XIRP2: variants seen among roughly 807,000 people sequenced by gnomAD.
The protein encoded by XIRP2 is xin actin binding repeat containing 2.
Under a neutral mutation model 277.0 loss-of-function variants are expected in XIRP2, and 236 were observed. The observed-to-expected ratio is 0.85, with a 90% CI of 0.77 to 0.95. The LOEUF is 0.95. Ranked by LOEUF, XIRP2 falls within the 40% of genes least tolerant of loss-of-function variation. The pLI, the probability that XIRP2 is intolerant of heterozygous loss-of-function variation, is 0.00. For synonymous variants in XIRP2, 1,490 were observed against 1,416.5 expected (o/e 1.05, Z -1.17); for missense variants, 4,640 against 4,157.5 (o/e 1.12, Z -3.19).
At chr2:167,089,804 C>A (rs1690088620) in intron 2 of XIRP2, among the ~76,000 whole-genome samples, 1 of 152,062 alleles carries the variant, frequency 6.6e-6, no homozygotes, top group Admixed American at 6.6e-5. Flanking sequence ...CGAAACGCAG[C>A]TATGCCCATT....
At chr2:166,922,346 A>T (rs896182207) in intron 2 of XIRP2, among the ~76,000 whole-genome samples, 4 of 152,152 alleles carry the variant, frequency 2.6e-5, no homozygotes, top group African/African-American at 9.7e-5. Context: ...GTTACATAAT[A>T]ATCAATGATA....
Position 167,003,161 on chromosome 2 carries a change from G to A in XIRP2, c.408+99271G>A, listed in dbSNP as rs182471537. Among the ~76,000 whole-genome samples the A allele has an allele frequency of 2.6e-3, 402 of 151,774 alleles. 1 individual carries two copies. In the Middle Eastern group the frequency reaches 0.045, roughly 17 times the overall value. The stretch of plus-strand genomic sequence containing the variant: ...TATGTAATACTCATTAATTGCAGGT[G>A]AAACTTATATACAAAAAATCCCTAT... On this transcript the variant is annotated intron_variant, in intron 2 of 10. Coordinates refer to ENST00000409195, the MANE Select transcript of XIRP2 (RefSeq NM_152381.6).
chr2:166,896,801 G>A (rs1553468147), intron 1 of XIRP2, among the ~76,000 whole-genome samples: 1 of 152,086 alleles, frequency 6.6e-6, no homozygotes, highest in Non-Finnish European at 1.5e-5. Context: ...GCAACTTCTA[G>A]TCCTGCAAGC....
At chr2:167,080,361 T>G (rs1276682390) in intron 2 of XIRP2, among the ~76,000 whole-genome samples, 1 of 152,196 alleles carries the variant, frequency 6.6e-6, no homozygotes, top group Non-Finnish European at 1.5e-5. Flanking sequence ...TAAATTGCAC[T>G]GTCCTGGAGA....
Position 167,074,151 on chromosome 2 carries a change from G to T in XIRP2, c.409-61758G>T, listed in dbSNP as rs145640160. Among the ~76,000 whole-genome samples, 221 of 152,140 alleles carry T rather than the reference G, an allele frequency of 1.5e-3. 8 individuals carry two copies. The East Asian group carries it at 0.037, about 26-fold the overall frequency. ...ATTCTCTAGAAAGATGAACTTTGTGGCAAGTCACTGATATTTCTCAGTCTC... is the reference window on the plus strand; with the variant it reads ...ATTCTCTAGAAAGATGAACTTTGTGTCAAGTCACTGATATTTCTCAGTCTC... On this transcript the variant is annotated intron_variant, in intron 2 of 10. Transcript: ENST00000409195.
At chr2:167,255,695 A>T (rs983077410) in intron 10 of XIRP2, among the ~76,000 whole-genome samples, 1 of 151,726 alleles carries the variant, frequency 6.6e-6, no homozygotes, top group African/African-American at 2.4e-5. Context: ...CCCTTATTTC[A>T]TCTTAGTTTT....
In XIRP2 at chr2:166,949,401, G is replaced by GGA. The variant is rs531012209; in HGVS notation, c.408+45513_408+45514dup. Among the ~76,000 whole-genome samples, 6 of 152,162 alleles carry GGA rather than the reference G, an allele frequency of 3.9e-5. No homozygotes were observed. The East Asian group carries it at 1.2e-3, about 30-fold the overall frequency. ...CTTATGAAGTGTTATAGTAGTTAAT[G>GGA]GAGGCTTGCACATGGCAAATAACCA... On this transcript the variant is annotated intron_variant, in intron 2 of 10. Coordinates refer to ENST00000409195, the MANE Select transcript of XIRP2 (RefSeq NM_152381.6).
intron 3 of XIRP2, among the ~76,000 whole-genome samples, chr2:167,196,773 T>G (rs1175916935): frequency 2.0e-5 from 3 of 151,966 alleles, no homozygotes; most frequent in African/African-American, 7.2e-5. Flanking sequence ...CCCACAAAAC[T>G]AGGAGGATAT....
intron 2 of XIRP2, among the ~76,000 whole-genome samples, chr2:167,081,223 T>C (rs1180456474): frequency 2.6e-5 from 4 of 152,120 alleles, no homozygotes; most frequent in African/African-American, 9.7e-5. Context: ...CCCAGCACTT[T>C]GGGAGGTAAA....
At chr2:167,219,139 G>C (rs1694348095) in intron 5 of XIRP2, among the ~76,000 whole-genome samples, 1 of 151,990 alleles carries the variant, frequency 6.6e-6, no homozygotes, top group Non-Finnish European at 1.5e-5. Flanking sequence ...GGATGAGGCG[G>C]CATATCAGGT....
At chr2:167,071,357 A>G (rs1417421469) in intron 2 of XIRP2, among the ~76,000 whole-genome samples, 4 of 152,190 alleles carry the variant, frequency 2.6e-5, no homozygotes, top group Non-Finnish European at 5.9e-5. Flanking sequence ...ACACCAAAAA[A>G]ATGCGTTATT....
At chr2:167,117,201 A>G (rs1183928925) in intron 2 of XIRP2, among the ~76,000 whole-genome samples, 1 of 152,066 alleles carries the variant, frequency 6.6e-6, no homozygotes, top group Non-Finnish European at 1.5e-5. Flanking sequence ...TGTTTTGTGG[A>G]GTAATTTTGC....
In XIRP2 at chr2:167,248,900, C is replaced by T. The variant is rs767329718; in HGVS notation, c.7508C>T (p.Thr2503Ile). Residue 2503 changes from threonine (T) to isoleucine (I), a missense_variant, in exon 9 of 11, where the codon ACA becomes ATA. Physicochemically the swap from Thr to Ile is moderately conservative, Grantham distance 89. Coordinates refer to ENST00000409195, the MANE Select transcript of XIRP2 (RefSeq NM_152381.6). ...SIDSANCLSH[T>I]VPGTSAPRKK... The stretch of plus-strand genomic sequence containing the variant: ...GACTCTGCAAACTGTCTCTCACACA[C>T]AGTTCCAGGAACTTCAGCACCCAGG... The T allele has an allele frequency of 4.3e-6, 7 of 1,613,760 alleles. No individual in the cohort carries two copies. In the South Asian group the frequency reaches 7.7e-5, roughly 18 times the overall value.
chr2:166,950,103 T>C (rs1685988257), intron 2 of XIRP2, among the ~76,000 whole-genome samples: 1 of 152,088 alleles, frequency 6.6e-6, no homozygotes, highest in South Asian at 2.1e-4. Context: ...ATAAATGCGA[T>C]GGCTAGCAGT....
Position 167,245,338 on chromosome 2 carries a change from T to G in XIRP2, c.3946T>G (p.Phe1316Val). 6.2e-7 allele frequency: 1 copy of G among 1,613,730 alleles called. No individual in the cohort carries two copies. Among genetic ancestry groups the G allele is most frequent in the East Asian group, 2.2e-5 (1 of 44,836 alleles). Residue 1316 changes from phenylalanine to valine, a missense_variant, in exon 9 of 11, where the codon TTT (phenylalanine) becomes GTT (valine). Transcript: ENST00000409195. ...QGDVKSYRMLFETQPLYAIQD... is the reference protein window; with the variant it reads ...QGDVKSYRMLVETQPLYAIQD... Reference sequence around the variant, plus strand: ...TGATGTAAAAAGCTACAGAATGCTCTTTGAAACCCAGCCACTCTATGCAAT... The same window carrying G: ...TGATGTAAAAAGCTACAGAATGCTCGTTGAAACCCAGCCACTCTATGCAAT...
intron 2 of XIRP2, among the ~76,000 whole-genome samples, chr2:167,060,298 T>C (rs1223227957): frequency 6.6e-6 from 1 of 152,138 alleles, no homozygotes; most frequent in Non-Finnish European, 1.5e-5. Flanking sequence ...CTTACATCTA[T>C]TAGGGAAAAC....
intron 2 of XIRP2, among the ~76,000 whole-genome samples, chr2:166,921,284 C>T (rs190394351): frequency 6.6e-6 from 1 of 152,176 alleles, no homozygotes; most frequent in Admixed American, 6.5e-5. Flanking sequence ...TAAGAAATTG[C>T]CAAACTGTTG....
chr2:167,092,066 A>G (rs1690163882), intron 2 of XIRP2, among the ~76,000 whole-genome samples: 1 of 152,138 alleles, frequency 6.6e-6, no homozygotes, highest in African/African-American at 2.4e-5. Context: ...AAACTTTCTA[A>G]TGCCTTAAGT....
Position 167,208,290 on chromosome 2 carries a change from CTTAATGGTT to C in XIRP2, c.563-2441_563-2433del, listed in dbSNP as rs564742768. The stretch of plus-strand genomic sequence containing the variant: ...GTTCCTTTCCTGTCTGACTTGCATG[CTTAATGGTT>C]TTATCATTCCCTTTTTTTTGAGACG... On this transcript the variant is annotated intron_variant, in intron 3 of 10. Transcript: ENST00000409195. Among the ~76,000 whole-genome samples the C allele has an allele frequency of 1.2e-4, 19 of 152,218 alleles. No individual in the cohort carries two copies. The East Asian group carries it at 3.7e-3, about 29-fold the overall frequency.
Sources: gnomAD v4.1 joint callset for allele counts (sites outside exome capture counted in the v4.1 genomes callset) on GRCh38, gnomAD v4.1.1 for gene constraint, MANE v1.5 for transcripts, NCBI Gene and HGNC (gene_info 2026-07-23, HGNC 2026-07-21) for gene names.